Variants in CGNL1 observed in about 807,000 individuals in gnomAD.
CGNL1 encodes cingulin like 1, also known as cingulin-like protein 1.
A neutral mutation model predicts 141.2 loss-of-function variants in CGNL1; 132 were observed. The observed-to-expected ratio is 0.93, with a 90% CI of 0.81 to 1.08. The LOEUF (loss-of-function observed/expected upper bound fraction) is 1.08. Ranked by LOEUF, CGNL1 falls within the 50% of genes least tolerant of loss-of-function variation. The pLI is 0.00. For synonymous variants in CGNL1, 690 were observed against 622.1 expected (o/e 1.11, Z -1.63); for missense variants, 1,870 against 1,588.6 (o/e 1.18, Z -3.01).
At position 57,461,701 on chromosome 15, in the gene CGNL1, G is replaced by A; in HGVS notation, c.2212G>A (p.Asp738Asn). 2 of 1,614,072 alleles carry A rather than the reference G, an allele frequency of 1.2e-6. No homozygotes were observed. Among genetic ancestry groups the A allele is most frequent in the Non-Finnish European group, 1.7e-6 (2 of 1,179,984 alleles). The stretch of plus-strand genomic sequence containing the variant: ...CTAGGAGCTCTTACAGGCAAAACAG[G>A]ATCTTCAAGATCTGCTGATTGCCAA... ...LIEELLQAKQ[D>N]LQDLLIAKEE... The change falls in exon 8 of 19, where the codon GAT becomes AAT. Residue 738 changes from aspartate (D) to asparagine (N), a missense_variant. By Grantham distance (23) the Asp-to-Asn change is conservative. Transcript: ENST00000281282.
intron 1 of CGNL1, among the ~76,000 whole-genome samples, chr15:57,400,039 G>A (rs1386791373): frequency 6.7e-6 from 1 of 149,956 alleles, no homozygotes; most frequent in African/African-American, 2.5e-5. Context: ...TGTCACCAAA[G>A]TGGTGGTGCA....
At chr15:57,492,222 A>G (rs1370472767) in intron 8 of CGNL1, among the ~76,000 whole-genome samples, 2 of 152,208 alleles carry the variant, frequency 1.3e-5, no homozygotes, top group African/African-American at 2.4e-5. Flanking sequence ...ACCTGGCAAT[A>G]GGAGGCACAT....
At chr15:57,520,429 A>G (rs1163829640) in intron 10 of CGNL1, among the ~76,000 whole-genome samples, 10 of 152,194 alleles carry the variant, frequency 6.6e-5, no homozygotes, top group Non-Finnish European at 1.3e-4. Context: ...CGTATGATAA[A>G]TAGATTTCTT....
intron 1 of CGNL1, among the ~76,000 whole-genome samples, chr15:57,378,359 A>ATG (rs1567082633): frequency 1.6e-3 from 52 of 33,546 alleles, no homozygotes; most frequent in African/African-American, 4.2e-3. Context: ...GTGGCCCTCT[A>ATG]TGTGTTTTTT....
At chr15:57,379,569 A>C (rs1567083346) in intron 1 of CGNL1, among the ~76,000 whole-genome samples, 1 of 152,170 alleles carries the variant, frequency 6.6e-6, no homozygotes, top group Non-Finnish European at 1.5e-5. Flanking sequence ...CATTTATCTA[A>C]GAGATGCCAT....
chr15:57,476,677 A>G (rs1250346906), intron 8 of CGNL1, among the ~76,000 whole-genome samples: 7 of 152,220 alleles, frequency 4.6e-5, no homozygotes, highest in African/African-American at 1.4e-4. Context: ...GTGGGCCAGA[A>G]CAAGTCCAAG....
chr15:57,535,864 G>A (rs2032230834), intron 14 of CGNL1, among the ~76,000 whole-genome samples: 1 of 152,220 alleles, frequency 6.6e-6, no homozygotes, highest in Non-Finnish European at 1.5e-5. Context: ...GGAAGGCTGT[G>A]TAAGATGGTG....
At chr15:57,465,479 C>T (rs1237663670) in intron 8 of CGNL1, among the ~76,000 whole-genome samples, 4 of 149,190 alleles carry the variant, frequency 2.7e-5, no homozygotes, top group African/African-American at 9.9e-5. Context: ...CAACCTCCAC[C>T]TCCTGGGTTC....
intron 8 of CGNL1, among the ~76,000 whole-genome samples, chr15:57,487,838 C>T (rs777112562): frequency 6.6e-6 from 1 of 152,148 alleles, no homozygotes; most frequent in African/African-American, 2.4e-5. Flanking sequence ...AAGAGAGTCA[C>T]CAATATTCTA....
chr15:57,544,942 A>G (rs561985181), intron 16 of CGNL1, among the ~76,000 whole-genome samples: 1 of 152,306 alleles, frequency 6.6e-6, no homozygotes, highest in East Asian at 1.9e-4. Context: ...GAGCCACGTT[A>G]GAGGCCAGAA....
rs1168211193 is a variant in CGNL1, at chr15:57,516,971, G to A, written c.2595G>A (p.Thr865=). ...LKGDEAKAKE[T]LKKYEGEIRQ... is the part of the protein sequence containing the mutation. ...GCGATGAAGCCAAGGCGAAGGAAAC[G>A]CTGAAGAAGTACGAGGTGAGGCTCG... Residue 865 remains threonine, a synonymous_variant, in exon 9 of 19, where the codon ACG becomes ACA. Coordinates refer to ENST00000281282, the MANE Select transcript of CGNL1 (RefSeq NM_032866.5). 1.9e-6 allele frequency: 3 copies of A among 1,613,646 alleles called. No homozygotes were observed. The highest frequency in any genetic ancestry group is 2.5e-6 in the Non-Finnish European group (3 of 1,179,936).
intron 8 of CGNL1, among the ~76,000 whole-genome samples, chr15:57,489,021 C>T (rs1289480898): frequency 9.2e-5 from 14 of 152,146 alleles, no homozygotes; most frequent in African/African-American, 3.4e-4. Flanking sequence ...GAATTTTTAA[C>T]GTCTTCATTG....
intron 8 of CGNL1, among the ~76,000 whole-genome samples, chr15:57,496,888 A>G (rs2063946331): frequency 1.3e-5 from 2 of 152,166 alleles, no homozygotes; most frequent in Non-Finnish European, 2.9e-5. Flanking sequence ...CCACCAACAG[A>G]TGGGTGCTGA....
At chr15:57,380,913 T>C (rs1317982885) in intron 1 of CGNL1, among the ~76,000 whole-genome samples, 7 of 152,180 alleles carry the variant, frequency 4.6e-5, no homozygotes, top group African/African-American at 1.4e-4. Flanking sequence ...GCAGCACTTT[T>C]TGGAGCAAGT....
At chr15:57,387,721 C>T (rs749899) in intron 1 of CGNL1, among the ~76,000 whole-genome samples, 1 of 152,160 alleles carries the variant, frequency 6.6e-6, no homozygotes, top group African/African-American at 2.4e-5. Flanking sequence ...AAAAACCTCC[C>T]CCTGTTTTAA....
chr15:57,530,384 G>A lies in CGNL1; in HGVS notation c.3202-1306G>A, dbSNP rs369107740. On this transcript the variant is annotated intron_variant, in intron 13 of 18. Coordinates refer to ENST00000281282, the MANE Select transcript of CGNL1 (RefSeq NM_032866.5). ...ATGGCTCTGAAGACCCTGCTACCATGAGATGCGCTTGAGGGGTGTTTCGTC... is the reference window on the plus strand; with the variant it reads ...ATGGCTCTGAAGACCCTGCTACCATAAGATGCGCTTGAGGGGTGTTTCGTC... Among the ~76,000 whole-genome samples the A allele has an allele frequency of 6.6e-5, 10 of 152,344 alleles. No individual in the cohort carries two copies. The East Asian group carries it at 1.9e-3, about 29-fold the overall frequency.
At chr15:57,415,781 A>C (rs1420672204) in intron 1 of CGNL1, among the ~76,000 whole-genome samples, 1 of 152,238 alleles carries the variant, frequency 6.6e-6, no homozygotes, top group Non-Finnish European at 1.5e-5. Flanking sequence ...AAAGCCCCCA[A>C]GGGAAAGCTG....
In CGNL1 at chr15:57,438,999, T is replaced by C; in HGVS notation, c.1000T>C (p.Tyr334His). The change falls in exon 2 of 19, where the codon TAT becomes CAT. Residue 334 changes from tyrosine (Y) to histidine (H), a missense_variant. Transcript: ENST00000281282. ...DNVNRHENRR[Y>H]IPFLPGTGRD... ...CGTCAATCGTCATGAAAACAGAAGG[T>C]ATATTCCCTTCCTGCCAGGAACTGG... 1 of 1,614,158 alleles carries C rather than the reference T, an allele frequency of 6.2e-7. No individual in the cohort carries two copies. The highest frequency in any genetic ancestry group is 8.5e-7 in the Non-Finnish European group (1 of 1,180,028).
chr15:57,421,416 C>A (rs1188431185), intron 1 of CGNL1, among the ~76,000 whole-genome samples: 1 of 151,712 alleles, frequency 6.6e-6, no homozygotes, highest in African/African-American at 2.4e-5. Context: ...CCTTAAACAC[C>A]GAAAGGAACC....
Sources: gnomAD v4.1 joint callset for allele counts (sites outside exome capture counted in the v4.1 genomes callset) on GRCh38, gnomAD v4.1.1 for gene constraint, MANE v1.5 for transcripts, NCBI Gene and HGNC (gene_info 2026-07-23, HGNC 2026-07-21) for gene names.